Variants in FADS3 observed in about 807,000 individuals in gnomAD.
FADS3 encodes fatty acid desaturase 3, also known as cytochrome b5-related protein.
In FADS3, 30 loss-of-function variants were observed where a neutral mutation model predicts 60.4. That is an observed-to-expected ratio of 0.50 (90% CI 0.37 to 0.67). The LOEUF (loss-of-function observed/expected upper bound fraction) is 0.67. Ranked by LOEUF, FADS3 falls within the 30% of genes least tolerant of loss-of-function variation. The pLI is 0.00. For synonymous variants in FADS3, 234 were observed against 249.3 expected (o/e 0.94, Z 0.58); for missense variants, 432 against 598.3 (o/e 0.72, Z 2.90).
Position 61,879,395 on chromosome 11 carries a change from C to A in FADS3, c.439G>T (p.Val147Leu). ...AGGTAGATAAGGAGCCAGGCCAGCA[C>A]CTCCATGGCCAGGATGTGGCCCAGT... The part of the protein sequence containing the change: ...FLLGHILAME[V>L]LAWLLIYLLG... Residue 147 changes from valine (V) to leucine (L), a missense_variant, in exon 3 of 12, where the codon GTG (valine) becomes TTG (leucine). By Grantham distance (32) the Val-to-Leu change is conservative. Transcript: ENST00000278829. 2 of 1,587,872 alleles carry A rather than the reference C, an allele frequency of 1.3e-6. No individual in the cohort carries two copies. Among genetic ancestry groups the A allele is most frequent in the Non-Finnish European group, 1.7e-6 (2 of 1,168,018 alleles).
At position 61,877,464 on chromosome 11, in the gene FADS3, C is replaced by T. The variant is rs1267280048; in HGVS notation, c.885+47G>A. ...GGTACTGTCCCCCGAGGCACCACCT[C>T]CTGCCACGGCAGCCGTATGCCCGGG... On this transcript the variant is annotated intron_variant, in intron 7 of 11. Transcript: ENST00000278829. The surrounding 1 kb of genome is among the most constrained non-coding windows in gnomAD (Gnocchi z 4.7). 4 of 1,587,300 alleles carry T rather than the reference C, an allele frequency of 2.5e-6. No individual in the cohort carries two copies. The highest frequency in any genetic ancestry group is 2.6e-6 in the Non-Finnish European group (3 of 1,161,386).
intron 1 of FADS3, among the ~76,000 whole-genome samples, chr11:61,883,927 G>T (rs1249257542): frequency 6.6e-6 from 1 of 152,260 alleles, no homozygotes; most frequent in Non-Finnish European, 1.5e-5. Context: ...CTGGGGAAGG[G>T]ACAGGTGGGG....
At chr11:61,874,602 C>T (rs1352778661) in intron 11 of FADS3, among the ~76,000 whole-genome samples, 2 of 152,198 alleles carry the variant, frequency 1.3e-5, no homozygotes, top group Non-Finnish European at 2.9e-5. Context: ...AGATGCAAGC[C>T]GGGCGTGTCC....
chr11:61,883,615 G>A (rs1485510711), intron 1 of FADS3, among the ~76,000 whole-genome samples: 10 of 152,190 alleles, frequency 6.6e-5, no homozygotes, highest in Admixed American at 4.6e-4. Context: ...CCGGCGCAAC[G>A]TGCAAGCTGT....
At chr11:61,875,394 T>G (rs1213240755) in intron 11 of FADS3, among the ~76,000 whole-genome samples, 24,902 of 142,856 alleles carry the variant, frequency 0.17, 2,541 homozygotes, top group Middle Eastern at 0.31. Flanking sequence ...TTTTTTTTTT[T>G]TTTTTTTTTT....
chr11:61,880,408 G>A (rs1281028136), intron 1 of FADS3: 17 of 317,358 alleles, frequency 5.4e-5, no homozygotes, highest in Non-Finnish European at 8.6e-5. Flanking sequence ...CTCTGAACAC[G>A]GTCAAACATC....
In FADS3 at chr11:61,876,392, G is replaced by A; in HGVS notation, c.1047C>T (p.Gly349=). 6.2e-7 allele frequency: 1 copy of A among 1,613,374 alleles called. No homozygotes were observed. Among genetic ancestry groups the A allele is most frequent in the African/African-American group, 1.3e-5 (1 of 75,028 alleles). The change falls in exon 9 of 12, where the codon GGC becomes GGT. Residue 349 remains glycine, a synonymous_variant. Coordinates refer to ENST00000278829, the MANE Select transcript of FADS3 (RefSeq NM_021727.5). The surrounding 1 kb of genome is among the most constrained non-coding windows in gnomAD (Gnocchi z 5.7). ...TGACCCAGTCCCGGTGCTTCTCGTGGCCGATCTCCTTGGGGATGTGGTTCA... is the reference window on the plus strand; with the variant it reads ...TGACCCAGTCCCGGTGCTTCTCGTGACCGATCTCCTTGGGGATGTGGTTCA... ...TQMNHIPKEI[G]HEKHRDWVSS...
At chr11:61,883,178 A>C (rs968519685) in intron 1 of FADS3, among the ~76,000 whole-genome samples, 1 of 152,122 alleles carries the variant, frequency 6.6e-6, no homozygotes, top group Non-Finnish European at 1.5e-5. Flanking sequence ...TCCCCAACTG[A>C]AACTCTGTCC....
Position 61,877,246 on chromosome 11 carries a change from C to A in FADS3, c.885+265G>T. 2.0e-6 allele frequency: 1 copy of A among 512,334 alleles called. No homozygotes were observed. The highest frequency in any genetic ancestry group is 3.5e-6 in the Non-Finnish European group (1 of 283,632). 31.7% of individuals were successfully genotyped at this position (512,334 alleles called of 1,614,324 possible). ...ATGCCTGGCAGAGTCAGCCCAGCAA[C>A]TCCTCCTGGGAAGACACCCTCACCG... On this transcript the variant is annotated intron_variant, in intron 7 of 11. Transcript: ENST00000278829. This position sits in a 1 kb window ranked among gnomAD's most constrained non-coding sequence, Gnocchi z 4.7.
In FADS3 at chr11:61,877,623, G is replaced by T. The variant is rs1565344184; in HGVS notation, c.809-36C>A. 1.2e-6 allele frequency: 2 copies of T among 1,600,666 alleles called. No homozygotes were observed. Among genetic ancestry groups the T allele is most frequent in the South Asian group, 1.1e-5 (1 of 90,128 alleles). ...GGGCATGAGAGTGTTCAGGAGTGGG[G>T]CTGGGCTGCCAAGGTGAGTGGGCGC... On this transcript the variant is annotated intron_variant, in intron 6 of 11. Transcript: ENST00000278829. This position sits in a 1 kb window ranked among gnomAD's most constrained non-coding sequence, Gnocchi z 4.7.
At chr11:61,889,562 G>A (rs1157057549) in intron 1 of FADS3, among the ~76,000 whole-genome samples, 2 of 152,152 alleles carry the variant, frequency 1.3e-5, no homozygotes, top group African/African-American at 4.8e-5. Flanking sequence ...CAGGAGAATC[G>A]CTTGAACCTG....
In FADS3 at chr11:61,878,311, G is replaced by C. The variant is rs753933773; in HGVS notation, c.748-96C>G. The C allele has an allele frequency of 2.8e-6, 4 of 1,433,510 alleles. No homozygotes were observed. In the Admixed American group the frequency reaches 5.2e-5, roughly 19 times the overall value. 88.8% of individuals were successfully genotyped at this position (1,433,510 alleles called of 1,614,324 possible). On this transcript the variant is annotated intron_variant, in intron 5 of 11. Transcript: ENST00000278829. ...GGCTGGCTGGGGCCAAGGGTCAAAG[G>C]CAACTCTAGATTCTAGCAAGCGGGC...
In FADS3 at chr11:61,891,279, C is replaced by T; in HGVS notation, c.103G>A (p.Gly35Ser). The T allele has an allele frequency of 2.0e-6, 3 of 1,537,464 alleles. No homozygotes were observed. In the South Asian group the frequency reaches 3.6e-5, roughly 18 times the overall value. Reference protein sequence around the residue: ...WEQIRAHDQPGDKWLVIERRV... With the variant: ...WEQIRAHDQPSDKWLVIERRV... ...CGCTCGATGACCAGCCACTTGTCGC[C>T]GGGCTGGTCGTGCGCGCGGATCTGC... Residue 35 changes from glycine (G) to serine (S), a missense_variant, in exon 1 of 12, where the codon GGC (glycine) becomes AGC (serine). Gly to Ser is a moderately conservative substitution (Grantham distance 56). Transcript: ENST00000278829.
intron 6 of FADS3, 34 bp downstream of exon 6, chr11:61,878,121 C>T: frequency 6.2e-7 from 1 of 1,602,122 alleles, no homozygotes; most frequent in Non-Finnish European, 8.6e-7. Flanking sequence ...GGCCCAGGCA[C>T]TCCCCCACCC....
At position 61,891,169 on chromosome 11, in the gene FADS3, C is replaced by T. The variant is rs775071536; in HGVS notation, c.213G>A (p.Thr71=). The T allele has an allele frequency of 1.9e-6, 3 of 1,557,940 alleles. No individual in the cohort carries two copies. Among genetic ancestry groups the T allele is most frequent in the Admixed American group, 3.8e-5 (2 of 52,944 alleles). Residue 71 remains threonine (T), a splice_region_variant and synonymous_variant, in exon 1 of 12, where the codon ACG becomes ACA. Coordinates refer to ENST00000278829, the MANE Select transcript of FADS3 (RefSeq NM_021727.5). The part of the protein sequence containing the change: ...LIGHHGAEDA[T]DAFRAFHQDL... ...GGTGGCTTCCTTATGGCTTCCTTACCGTGGCGTCCTCAGCGCCGTGGTGGC... is the reference window on the plus strand; with the variant it reads ...GGTGGCTTCCTTATGGCTTCCTTACTGTGGCGTCCTCAGCGCCGTGGTGGC...
At position 61,876,184 on chromosome 11, in the gene FADS3, C is replaced by T; in HGVS notation, c.1087G>A (p.Ala363Thr). The T allele has an allele frequency of 6.3e-7, 1 of 1,599,048 alleles. No individual in the cohort carries two copies. The highest frequency in any genetic ancestry group is 8.5e-7 in the Non-Finnish European group (1 of 1,173,508). The change falls in exon 10 of 12, where the codon GCC (alanine) becomes ACC (threonine). Residue 363 changes from alanine to threonine, a missense_variant. By Grantham distance (58) the Ala-to-Thr change is moderately conservative (BLOSUM62 0). Transcript: ENST00000278829. This position sits in a 1 kb window ranked among gnomAD's most constrained non-coding sequence, Gnocchi z 5.7. ...HRDWVSSQLA[A>T]TCNVEPSLFT... ...AGTGAGGGCTCCACGTTGCAGGTGG[C>T]TGCCAGCTGCCGGAAGCCGGCGGGG... is the stretch of plus-strand genomic sequence containing the variant.
At chr11:61,878,676 G>T (rs756606931) in intron 4 of FADS3, 42 bp from the exon 5 acceptor site, 1 of 1,612,758 alleles carries the variant, frequency 6.2e-7, no homozygotes. Flanking sequence ...CTGTGCCCCC[G>T]ACTGTGCCCA....
chr11:61,875,820 C>T, intron 11 of FADS3, 31 bp downstream of exon 11: 1 of 1,605,534 alleles, frequency 6.2e-7, no homozygotes, highest in Non-Finnish European at 8.5e-7. Flanking sequence ...GGGGAAGCCA[C>T]CAGAACAGAG....
At chr11:61,886,991 G>A (rs1315158256) in intron 1 of FADS3, among the ~76,000 whole-genome samples, 1 of 152,190 alleles carries the variant, frequency 6.6e-6, no homozygotes, top group Non-Finnish European at 1.5e-5. Flanking sequence ...GGGCACCAGG[G>A]GCTGCTGGGA....
Sources: gnomAD v4.1 joint callset for allele counts (sites outside exome capture counted in the v4.1 genomes callset) on GRCh38, gnomAD v4.1.1 for gene constraint, Gnocchi (gnomAD v3.1) non-coding constraint, MANE v1.5 for transcripts, NCBI Gene and HGNC (gene_info 2026-07-23, HGNC 2026-07-21) for gene names.